EPB41L4A: variants seen among roughly 807,000 people sequenced by gnomAD.
The protein encoded by EPB41L4A is erythrocyte membrane protein band 4.1 like 4A, also known as band 4.1-like protein 4A.
EPB41L4A carries 100 observed loss-of-function variants against 108.6 expected under a neutral mutation model. The ratio of observed to expected loss-of-function variants is 0.92; its 90% CI spans 0.78 to 1.09. The LOEUF (loss-of-function observed/expected upper bound fraction) is 1.09. Among genes scored for constraint, EPB41L4A ranks in the 50% least tolerant of loss-of-function variants. The probability of loss-of-function intolerance (pLI) is 0.00; values close to 1 mark genes in which losing one functional copy is unlikely to be tolerated. For synonymous variants in EPB41L4A, 319 were observed against 289.0 expected (o/e 1.10, Z -1.05); for missense variants, 1,030 against 842.7 (o/e 1.22, Z -2.75).
rs974569830 is a variant in EPB41L4A at position 112,359,689 on chromosome 5, T to C, written c.100-52199A>G. 1.3e-4 allele frequency among the ~76,000 whole-genome samples: 20 copies of C among 151,896 alleles called. No homozygotes were observed. In the Middle Eastern group the frequency reaches 0.014, roughly 103 times the overall value. On this transcript the variant is annotated intron_variant, in intron 1 of 22. Coordinates refer to ENST00000261486, the MANE Select transcript of EPB41L4A (RefSeq NM_022140.5). Reference sequence around the variant, plus strand: ...CCGAGTAGCTGGGACTACAGGCGCCTGCCACCACGCCCAGCTAATTTTTTG... The same window carrying C: ...CCGAGTAGCTGGGACTACAGGCGCCCGCCACCACGCCCAGCTAATTTTTTG...
chr5:112,317,309 C>T (rs1755493421), intron 1 of EPB41L4A, among the ~76,000 whole-genome samples: 1 of 152,154 alleles, frequency 6.6e-6, no homozygotes, highest in African/African-American at 2.4e-5. Context: ...TAGATGATTT[C>T]TTGTACTTTG....
intron 22 of EPB41L4A, among the ~76,000 whole-genome samples, chr5:112,168,452 A>G (rs1297198380): frequency 6.6e-6 from 1 of 152,114 alleles, no homozygotes; most frequent in Non-Finnish European, 1.5e-5. Context: ...TAGTGAAACA[A>G]TTGTTTCTTT....
chr5:112,234,579 A>G (rs1028426655), intron 12 of EPB41L4A, 55 bp downstream of exon 12: 2 of 1,579,590 alleles, frequency 1.3e-6, no homozygotes, highest in Non-Finnish European at 8.6e-7. Context: ...ATCTTACACT[A>G]CCAGCCTAAA....
chr5:112,302,604 C>G (rs1291033187), intron 2 of EPB41L4A, among the ~76,000 whole-genome samples: 1 of 152,150 alleles, frequency 6.6e-6, no homozygotes, highest in African/African-American at 2.4e-5. Flanking sequence ...AACAGAGGAA[C>G]TGAAGTATAG....
intron 2 of EPB41L4A, among the ~76,000 whole-genome samples, chr5:112,304,857 G>C (rs1446696806): frequency 6.6e-6 from 1 of 152,128 alleles, no homozygotes; most frequent in Non-Finnish European, 1.5e-5. Flanking sequence ...TCAAGATTCA[G>C]AAAAATTAAG....
At chr5:112,389,329 G>C (rs1251254771) in intron 1 of EPB41L4A, among the ~76,000 whole-genome samples, 3 of 152,072 alleles carry the variant, frequency 2.0e-5, no homozygotes, top group African/African-American at 7.2e-5. Context: ...CACTGTTTTG[G>C]ACTAAGCTCC....
intron 9 of EPB41L4A, chr5:112,249,756 A>T (rs12188700): frequency 1.3e-5 from 2 of 151,990 alleles, no homozygotes; most frequent in Admixed American, 6.6e-5. Context: ...TGCTCCCCAA[A>T]GAGCATTTCT....
chr5:112,250,988 A>G (rs957215438), intron 9 of EPB41L4A, among the ~76,000 whole-genome samples: 2 of 152,184 alleles, frequency 1.3e-5, no homozygotes, highest in African/African-American at 4.8e-5. Flanking sequence ...AACTGCCCAC[A>G]GTTAGTGAGC....
At chr5:112,208,931 T>TA (rs1382842024) in intron 13 of EPB41L4A, among the ~76,000 whole-genome samples, 1 of 152,154 alleles carries the variant, frequency 6.6e-6, no homozygotes, top group Non-Finnish European at 1.5e-5. Flanking sequence ...TATGCAATGA[T>TA]AAAGAACTTG....
At chr5:112,215,760 C>T in intron 12 of EPB41L4A, among the ~76,000 whole-genome samples, 1 of 24,812 alleles carries the variant, frequency 4.0e-5, no homozygotes, top group African/African-American at 1.2e-4. Flanking sequence ...GAGACTCCAT[C>T]TCAAAAAAAA....
intron 17 of EPB41L4A, among the ~76,000 whole-genome samples, chr5:112,187,142 C>T (rs896254237): frequency 1.3e-5 from 2 of 151,738 alleles, no homozygotes; most frequent in Admixed American, 6.5e-5. Context: ...ACATCATAGT[C>T]ATCAAAGTCT....
At chr5:112,419,862 C>G (rs1237890890), upstream of EPB41L4A, 4 of 456,654 alleles carry the variant, frequency 8.8e-6, no homozygotes, top group Non-Finnish European at 1.3e-5. Context: ...CAAGCTCTCC[C>G]TCCGGGAATG....
At chr5:112,266,083 C>T (rs1191236107) in intron 5 of EPB41L4A, 150 bp downstream of exon 5, 1 of 638,226 alleles carries the variant, frequency 1.6e-6, no homozygotes, top group African/African-American at 1.8e-5. Context: ...CGAAGGAACA[C>T]TGAACAAAAC....
rs1168534458 is a variant in EPB41L4A at position 112,259,975 on chromosome 5, T to A, written c.647A>T (p.Glu216Val). The change falls in exon 8 of 23, where the codon GAA becomes GTA. Residue 216 changes from glutamate (E) to valine (V), a missense_variant. Physicochemically the swap from Glu to Val is moderately radical, Grantham distance 121. Coordinates refer to ENST00000261486, the MANE Select transcript of EPB41L4A (RefSeq NM_022140.5). ...YGVDLHPVYGENKSEYFLGLT... is the reference protein window; with the variant it reads ...YGVDLHPVYGVNKSEYFLGLT... ...TCCTAAGAAATACTCAGACTTGTTT[T>A]CTCCCTGCAAAAACAAACATATGCC... is the stretch of plus-strand genomic sequence containing the variant. The A allele has an allele frequency of 6.2e-7, 1 of 1,613,440 alleles. No individual in the cohort carries two copies. The highest frequency in any genetic ancestry group is 1.7e-5 in the Admixed American group (1 of 60,024).
intron 1 of EPB41L4A, among the ~76,000 whole-genome samples, chr5:112,402,459 A>G (rs1479306762): frequency 1.3e-5 from 2 of 152,136 alleles, no homozygotes; most frequent in Non-Finnish European, 2.9e-5. Flanking sequence ...TGCTAACAAC[A>G]TGACTTTGGT....
chr5:112,323,930 C>T lies in EPB41L4A; in HGVS notation c.100-16440G>A, dbSNP rs115163227. 8.3e-3 allele frequency among the ~76,000 whole-genome samples: 1,265 copies of T among 152,308 alleles called. 8 individuals carry two copies. Among genetic ancestry groups the T allele is most frequent in the Middle Eastern group, 0.048 (14 of 294 alleles). The stretch of plus-strand genomic sequence containing the variant: ...ACTAGAGCACAATTAAACATTGACT[C>T]CTGAGAGAAAACTCCCAGCCAAGAT... On this transcript the variant is annotated intron_variant, in intron 1 of 22. Coordinates refer to ENST00000261486, the MANE Select transcript of EPB41L4A (RefSeq NM_022140.5).
At chr5:112,273,245 T>C (rs1301634280) in intron 4 of EPB41L4A, among the ~76,000 whole-genome samples, 1 of 152,222 alleles carries the variant, frequency 6.6e-6, no homozygotes, top group Non-Finnish European at 1.5e-5. Flanking sequence ...TGGACACTAA[T>C]TGCAAGCCAT....
intron 2 of EPB41L4A, among the ~76,000 whole-genome samples, chr5:112,284,065 A>ACT (rs1204352415): frequency 1.3e-5 from 2 of 152,202 alleles, no homozygotes; most frequent in African/African-American, 4.8e-5. Flanking sequence ...AGAATGTAAT[A>ACT]CTCTAAGTCC....
chr5:112,359,070 T>C (rs1207592774), intron 1 of EPB41L4A, among the ~76,000 whole-genome samples: 1 of 152,254 alleles, frequency 6.6e-6, no homozygotes, highest in Non-Finnish European at 1.5e-5. Context: ...GGGAACTTCC[T>C]GGAGTACTGA....
Sources: gnomAD v4.1 joint callset for allele counts (sites outside exome capture counted in the v4.1 genomes callset) on GRCh38, gnomAD v4.1.1 for gene constraint, MANE v1.5 for transcripts, NCBI Gene and HGNC (gene_info 2026-07-23, HGNC 2026-07-21) for gene names.